RAB8A: variants seen among roughly 807,000 people sequenced by gnomAD.
RAB8A encodes RAB8A, member RAS oncogene family, also known as ras-related protein Rab-8A.
Under a neutral mutation model 29.2 loss-of-function variants are expected in RAB8A, and 5 were observed. The ratio of observed to expected loss-of-function variants is 0.17; its 90% confidence interval spans 0.09 to 0.36. RAB8A has a LOEUF of 0.36. RAB8A is among the 10% of genes least tolerant of loss of function. The pLI is 1.00. For missense variants in RAB8A, 171 were observed against 272.2 expected, an observed-to-expected ratio of 0.63 and a Z score of 2.62; for synonymous variants, 108 against 99.9, an observed-to-expected ratio of 1.08 and a Z score of -0.49.
Position 16,112,040 on chromosome 19 carries a change from G to T in RAB8A, c.124+15G>T, listed in dbSNP as rs1372582431. 3.1e-6 allele frequency: 5 copies of T among 1,613,280 alleles called. No homozygotes were observed. Reference sequence around the variant, plus strand: ...CTCCACCATAGGTAACGGGACCGGGGAATGGCTGGGGGCGCCGGAGGCCCG... The same window carrying T: ...CTCCACCATAGGTAACGGGACCGGGTAATGGCTGGGGGCGCCGGAGGCCCG... On this transcript the variant is annotated intron_variant, in intron 1 of 7. Coordinates refer to ENST00000300935, the MANE Select transcript of RAB8A (RefSeq NM_005370.5).
At chr19:16,117,733 C>G (rs1437698897) in intron 1 of RAB8A, among the ~76,000 whole-genome samples, 1 of 152,052 alleles carries the variant, frequency 6.6e-6, no homozygotes, top group African/African-American at 2.4e-5. Flanking sequence ...AGAAGTGTGC[C>G]TAGCTGACGG....
intron 1 of RAB8A, among the ~76,000 whole-genome samples, chr19:16,114,740 G>C (rs530997355): frequency 1.3e-5 from 2 of 151,824 alleles, no homozygotes; most frequent in African/African-American, 4.8e-5. Flanking sequence ...TCTTCCATTT[G>C]CAGATGAGGA....
chr19:16,121,823 T>C lies in RAB8A; in HGVS notation c.246+13T>C. 1.2e-6 allele frequency: 2 copies of C among 1,609,774 alleles called. No homozygotes were observed. Among genetic ancestry groups the C allele is most frequent in the Non-Finnish European group, 1.7e-6 (2 of 1,176,102 alleles). On this transcript the variant is annotated intron_variant, in intron 3 of 7. Coordinates refer to ENST00000300935, the MANE Select transcript of RAB8A (RefSeq NM_005370.5). The stretch of plus-strand genomic sequence containing the variant: ...CAGGGGTGCAATGGTAGGGACTTTT[T>C]GTTTGGTTGTTTTTATCTGCTTTTT...
chr19:16,119,403 C>T (rs1239156321), intron 2 of RAB8A, among the ~76,000 whole-genome samples: 1 of 152,062 alleles, frequency 6.6e-6, no homozygotes, highest in African/African-American at 2.4e-5. Flanking sequence ...CGGGGTTTCT[C>T]CATGTTGGTC....
intron 6 of RAB8A, 93 bp from the exon 7 acceptor site, chr19:16,129,461 C>A: frequency 7.7e-7 from 1 of 1,293,496 alleles, no homozygotes; most frequent in Non-Finnish European, 1.1e-6. Flanking sequence ...AGGCCCACGC[C>A]TGGGAAGCTG....
Position 16,133,246 on chromosome 19 carries a change from C to G in RAB8A, c.*942C>G, listed in dbSNP as rs1043346. ...ACTTCCAATGGCAAACCTGGGTGAT[C>G]GGGAACAAGCACGTTGTACCCTTGG... On this transcript the variant is annotated 3_prime_UTR_variant, in exon 8 of 8. Coordinates refer to ENST00000300935, the MANE Select transcript of RAB8A (RefSeq NM_005370.5). The G allele has an allele frequency of 2.0e-5, 3 of 152,076 alleles. No homozygotes were observed. The highest frequency in any genetic ancestry group is 6.6e-5 in the Admixed American group (1 of 15,246). 9.4% of individuals were successfully genotyped at this position (152,076 alleles called of 1,614,324 possible).
At chr19:16,126,879 A>T (rs894354199) in intron 4 of RAB8A, 1 of 152,128 alleles carries the variant, frequency 6.6e-6, no homozygotes. Flanking sequence ...GATGCCTGTA[A>T]TCTCAGCTAT....
Position 16,122,791 on chromosome 19 carries a change from C to T in RAB8A, c.246+981C>T, listed in dbSNP as rs894907946. ...ATCCGAAACCTCATGGCAACCCACT[C>T]GTGTGGGCTGCAGCCTTAGTGTGCC... On this transcript the variant is annotated intron_variant, in intron 3 of 7. Coordinates refer to ENST00000300935, the MANE Select transcript of RAB8A (RefSeq NM_005370.5). This position sits in a 1 kb window ranked among gnomAD's most constrained non-coding sequence, Gnocchi z 4.7. Among the ~76,000 whole-genome samples the T allele has an allele frequency of 6.6e-6, 1 of 152,158 alleles. No individual in the cohort carries two copies. The highest frequency in any genetic ancestry group is 6.5e-5 in the Admixed American group (1 of 15,280).
At chr19:16,113,177 A>G (rs1325897782) in intron 1 of RAB8A, among the ~76,000 whole-genome samples, 1 of 152,198 alleles carries the variant, frequency 6.6e-6, no homozygotes, top group Non-Finnish European at 1.5e-5. Context: ...TTGACCCAGG[A>G]GTAACACCTA....
Position 16,125,756 on chromosome 19 carries a change from C to T in RAB8A, c.324+209C>T, listed in dbSNP as rs144343311. 7.4e-6 allele frequency: 5 copies of T among 677,212 alleles called. No homozygotes were observed. The highest frequency in any genetic ancestry group is 2.8e-5 in the East Asian group (1 of 36,298). 42.0% of individuals were successfully genotyped at this position (677,212 alleles called of 1,614,324 possible). ...GGCCTGGCCCCACCCCGGAGCCCCTCGGAGCCCATCCCTCCAGCTAGGCTG... is the reference window on the plus strand; with the variant it reads ...GGCCTGGCCCCACCCCGGAGCCCCTTGGAGCCCATCCCTCCAGCTAGGCTG... On this transcript the variant is annotated intron_variant, in intron 4 of 7. Coordinates refer to ENST00000300935, the MANE Select transcript of RAB8A (RefSeq NM_005370.5). The surrounding 1 kb of genome is among the most constrained non-coding windows in gnomAD (Gnocchi z 5.0).
intron 1 of RAB8A, among the ~76,000 whole-genome samples, chr19:16,113,362 C>T (rs1333782042): frequency 2.6e-5 from 4 of 152,122 alleles, no homozygotes; most frequent in African/African-American, 9.7e-5. Flanking sequence ...TGTGCTAATT[C>T]CATTCTTGCC....
At chr19:16,129,649 C>T (rs1454003737) in intron 7 of RAB8A, 45 bp downstream of exon 7, 2 of 1,594,276 alleles carry the variant, frequency 1.3e-6, no homozygotes, top group Admixed American at 1.7e-5. Flanking sequence ...TCTCTGGGAT[C>T]CAGCCATCGT....
At chr19:16,119,496 C>T (rs143181586) in intron 2 of RAB8A, among the ~76,000 whole-genome samples, 255 of 152,272 alleles carry the variant, frequency 1.7e-3, no homozygotes, top group African/African-American at 5.7e-3. Flanking sequence ...TGAGCCACCA[C>T]GCCCGGCCCT....
In RAB8A at chr19:16,132,868, T is replaced by G. The variant is rs1181559939; in HGVS notation, c.*564T>G. ...GTGACAAACCATTTTGCCCCCTCAC[T>G]CTTCTTTTTTAACTGTTAAACCAAA... On this transcript the variant is annotated 3_prime_UTR_variant, in exon 8 of 8. Coordinates refer to ENST00000300935, the MANE Select transcript of RAB8A (RefSeq NM_005370.5). This position sits in a 1 kb window ranked among gnomAD's most constrained non-coding sequence, Gnocchi z 5.6. 6.5e-6 allele frequency: 1 copy of G among 154,350 alleles called. No homozygotes were observed. Among genetic ancestry groups the G allele is most frequent in the South Asian group, 2.0e-4 (1 of 4,948 alleles). The allele number at this position is 154,350 out of a possible 1,614,324, so 9.6% of individuals were successfully genotyped here.
Position 16,130,271 on chromosome 19 carries a change from G to A in RAB8A, c.531+667G>A, listed in dbSNP as rs185309848. Among the ~76,000 whole-genome samples, 165 of 152,076 alleles carry A rather than the reference G, an allele frequency of 1.1e-3. No homozygotes were observed. The Middle Eastern group carries it at 0.014, about 13-fold the overall frequency. ...TGGGGGCATTTAGTGCCTAAACACC[G>A]TAGTGACCCTTCCTCCCTCGCCCTG... On this transcript the variant is annotated intron_variant, in intron 7 of 7. Transcript: ENST00000300935.
chr19:16,118,609 C>T (rs1383289651), intron 2 of RAB8A, among the ~76,000 whole-genome samples: 1 of 152,238 alleles, frequency 6.6e-6, no homozygotes, highest in Non-Finnish European at 1.5e-5. Context: ...AGAGAGCCCT[C>T]TCAGTGCCAG....
Position 16,118,293 on chromosome 19 carries a change from G to A in RAB8A, c.185+7G>A, listed in dbSNP as rs41276906. 3.7e-6 allele frequency: 6 copies of A among 1,608,868 alleles called. No individual in the cohort carries two copies. In the Admixed American group the frequency reaches 6.7e-5, roughly 18 times the overall value. On this transcript the variant is annotated splice_region_variant and intron_variant, in intron 2 of 7. Transcript: ENST00000300935. Reference sequence around the variant, plus strand: ...GAATTAAACTGCAGATATGGTAAGAGTCATTGTTCTCTGTCATTCTCTCCA... The same window carrying A: ...GAATTAAACTGCAGATATGGTAAGAATCATTGTTCTCTGTCATTCTCTCCA...
At chr19:16,117,300 C>A (rs1029863429) in intron 1 of RAB8A, among the ~76,000 whole-genome samples, 5 of 151,900 alleles carry the variant, frequency 3.3e-5, no homozygotes, top group African/African-American at 1.2e-4. Context: ...ACCAGCCTGG[C>A]CAACACGGTG....
intron 6 of RAB8A, 71 bp downstream of exon 6, chr19:16,128,162 G>T (rs890553477): frequency 1.7e-5 from 26 of 1,533,596 alleles, no homozygotes; most frequent in Non-Finnish European, 2.3e-5. Context: ...GGGGGAGCTG[G>T]CGTCCTCCGA....
Sources: allele counts gnomAD v4.1 joint callset (sites outside exome capture counted in the v4.1 genomes callset), GRCh38; gene constraint gnomAD v4.1.1; non-coding constraint Gnocchi (gnomAD v3.1); transcripts MANE v1.5; gene names NCBI Gene and HGNC (gene_info 2026-07-23, HGNC 2026-07-21).